Variants in TMPRSS15 observed in about 807,000 individuals in gnomAD.
TMPRSS15 encodes the protein enteropeptidase.
TMPRSS15 carries 128 observed loss-of-function variants against 125.3 expected under a neutral mutation model. That is an observed-to-expected ratio of 1.02 (90% CI 0.89 to 1.18). TMPRSS15 has a LOEUF of 1.18. TMPRSS15 is among the 50% of genes most tolerant of loss of function. The pLI is 0.00. For synonymous variants in TMPRSS15, 446 were observed against 423.2 expected (o/e 1.05, Z -0.66); for missense variants, 1,283 against 1,212.7 (o/e 1.06, Z -0.86).
At chr21:18,434,197 C>A (rs952664509) in intron 1 of TMPRSS15, among the ~76,000 whole-genome samples, 5 of 152,170 alleles carry the variant, frequency 3.3e-5, no homozygotes, top group African/African-American at 1.2e-4. Flanking sequence ...GGAAGACTCA[C>A]CATAATCTAT....
chr21:18,385,105 T>C (rs962251602), intron 3 of TMPRSS15, among the ~76,000 whole-genome samples: 3 of 152,194 alleles, frequency 2.0e-5, no homozygotes, highest in Non-Finnish European at 2.9e-5. Context: ...ATAATATTTT[T>C]ATAATTCACA....
chr21:18,345,558 G>C (rs181640996), intron 10 of TMPRSS15, among the ~76,000 whole-genome samples: 1 of 149,062 alleles, frequency 6.7e-6, no homozygotes, highest in Non-Finnish European at 1.5e-5. Context: ...TGGCTAACAC[G>C]GCGAAACCCC....
intron 1 of TMPRSS15, among the ~76,000 whole-genome samples, chr21:18,428,419 A>G (rs2076208639): frequency 6.6e-6 from 1 of 152,194 alleles, no homozygotes; most frequent in African/African-American, 2.4e-5. Context: ...TTAATCACCA[A>G]GACAATGGGA....
intron 1 of TMPRSS15, among the ~76,000 whole-genome samples, chr21:18,425,322 G>A (rs1051858649): frequency 4.0e-5 from 6 of 151,514 alleles, no homozygotes; most frequent in South Asian, 2.1e-4. Context: ...AATTATGGAT[G>A]GTAGATTGTC....
chr21:18,464,793 A>G (rs1978624698), intron 1 of TMPRSS15, among the ~76,000 whole-genome samples: 1 of 152,218 alleles, frequency 6.6e-6, no homozygotes, highest in African/African-American at 2.4e-5. Context: ...AAAAAAGCCC[A>G]GGACCAGATG....
chr21:18,472,365 A>T (rs1418148087), intron 1 of TMPRSS15, among the ~76,000 whole-genome samples: 1 of 151,680 alleles, frequency 6.6e-6, no homozygotes, highest in African/African-American at 2.4e-5. Flanking sequence ...CTTTTAGCCT[A>T]TGGGGTTCAA....
intron 1 of TMPRSS15, among the ~76,000 whole-genome samples, chr21:18,400,038 C>T (rs2076080744): frequency 6.6e-6 from 1 of 151,984 alleles, no homozygotes; most frequent in African/African-American, 2.4e-5. Flanking sequence ...TAAAAGAGAC[C>T]TACAAGGATA....
chr21:18,318,855 C>T (rs2075203345), intron 16 of TMPRSS15, among the ~76,000 whole-genome samples: 1 of 152,142 alleles, frequency 6.6e-6, no homozygotes, highest in African/African-American at 2.4e-5. Context: ...CATGTTTTCT[C>T]ATCTTTGTAT....
chr21:18,472,388 A>T (rs1436166884), intron 1 of TMPRSS15, among the ~76,000 whole-genome samples: 2 of 151,396 alleles, frequency 1.3e-5, no homozygotes, highest in African/African-American at 4.9e-5. Flanking sequence ...CAGGTAGCCA[A>T]TTATTTGAGT....
At chr21:18,277,705 G>A (rs1022054571) in intron 23 of TMPRSS15, among the ~76,000 whole-genome samples, 1 of 152,170 alleles carries the variant, frequency 6.6e-6, no homozygotes, top group Non-Finnish European at 1.5e-5. Context: ...TTGATTCTGA[G>A]ACCCTCTACC....
chr21:18,292,475 C>G (rs554851907), intron 21 of TMPRSS15, among the ~76,000 whole-genome samples: 3 of 152,280 alleles, frequency 2.0e-5, no homozygotes, highest in Non-Finnish European at 4.4e-5. Context: ...AACTGCCTTT[C>G]TATTTTCTAC....
chr21:18,428,219 T>C (rs529734355), intron 1 of TMPRSS15, among the ~76,000 whole-genome samples: 1 of 152,344 alleles, frequency 6.6e-6, no homozygotes, highest in African/African-American at 2.4e-5. Flanking sequence ...AAATTCAAAT[T>C]TGACTGTGGA....
intron 3 of TMPRSS15, among the ~76,000 whole-genome samples, chr21:18,393,788 A>C (rs1169691843): frequency 6.6e-6 from 1 of 152,178 alleles, no homozygotes; most frequent in Non-Finnish European, 1.5e-5. Flanking sequence ...CACTTAACCC[A>C]AAGGTGCCCT....
chr21:18,286,726 G>A (rs949990221), intron 21 of TMPRSS15, among the ~76,000 whole-genome samples: 31 of 152,162 alleles, frequency 2.0e-4, no homozygotes, highest in Non-Finnish European at 4.0e-4. Flanking sequence ...AGCCTGATTG[G>A]ATAAGGTCAC....
intron 1 of TMPRSS15, among the ~76,000 whole-genome samples, chr21:18,446,744 G>A (rs1335290670): frequency 2.6e-5 from 4 of 152,062 alleles, no homozygotes; most frequent in Admixed American, 1.3e-4. Context: ...TCCACATGTC[G>A]AAGAATAAAA....
intron 18 of TMPRSS15, among the ~76,000 whole-genome samples, chr21:18,302,224 G>A (rs1476046393): frequency 6.6e-6 from 1 of 152,244 alleles, no homozygotes; most frequent in Non-Finnish European, 1.5e-5. Context: ...AATAGAGCCA[G>A]GTGGGATTAG....
intron 16 of TMPRSS15, among the ~76,000 whole-genome samples, chr21:18,320,938 C>T (rs1360878011): frequency 6.6e-6 from 1 of 152,122 alleles, no homozygotes; most frequent in Non-Finnish European, 1.5e-5. Flanking sequence ...TCCCCATCTC[C>T]TTTTTATGAA....
intron 21 of TMPRSS15, among the ~76,000 whole-genome samples, chr21:18,293,701 T>G (rs550297750): frequency 6.6e-6 from 1 of 152,318 alleles, no homozygotes; most frequent in East Asian, 1.9e-4. Context: ...CCTATTATAG[T>G]ATAAAACAGA....
In TMPRSS15 at chr21:18,329,394, AT is replaced by A. The variant is rs961370182; in HGVS notation, c.1655-101del. 1.8e-3 allele frequency: 2,242 copies of A among 1,272,260 alleles called. 9 individuals carry two copies. The highest frequency in any genetic ancestry group is 1.7e-3 in the Non-Finnish European group (1,621 of 934,562). 78.8% of individuals were successfully genotyped at this position (1,272,260 alleles called of 1,614,324 possible). A position where few individuals can be genotyped will look rare whatever the true frequency, so the allele number is the denominator to read the frequency against. The stretch of plus-strand genomic sequence containing the variant: ...TTTCAAATAACTTAAAAAAAAATCA[AT>A]TTTTTTTCCACTTCATGAAAATCAG... On this transcript the variant is annotated intron_variant, in intron 14 of 24. Coordinates refer to ENST00000284885, the MANE Select transcript of TMPRSS15 (RefSeq NM_002772.3).
Sources: allele counts gnomAD v4.1 joint callset (sites outside exome capture counted in the v4.1 genomes callset), GRCh38; gene constraint gnomAD v4.1.1; transcripts MANE v1.5; gene names NCBI Gene and HGNC (gene_info 2026-07-23, HGNC 2026-07-21).